Variants in GLIS3 observed in about 807,000 individuals in gnomAD.
GLIS3 encodes the protein GLIS family zinc finger 3.
Under a neutral mutation model 78.6 loss-of-function variants are expected in GLIS3, and 53 were observed. The ratio of observed to expected loss-of-function variants is 0.67; its 90% confidence interval spans 0.54 to 0.85. GLIS3 has a LOEUF of 0.85. Ranked by LOEUF, GLIS3 falls within the 40% of genes least tolerant of loss-of-function variation. The pLI is 0.00. For missense variants in GLIS3, 1,703 were observed against 1,231.1 expected, an observed-to-expected ratio of 1.38 and a Z score of -5.74; for synonymous variants, 684 against 509.9, an observed-to-expected ratio of 1.34 and a Z score of -4.60.
At chr9:3,973,014 A>G (rs1031471181) in intron 4 of GLIS3, among the ~76,000 whole-genome samples, 1 of 152,150 alleles carries the variant, frequency 6.6e-6, no homozygotes, top group African/African-American at 2.4e-5. Flanking sequence ...GGGTTCCTCA[A>G]AACACCTTCA....
intron 4 of GLIS3, among the ~76,000 whole-genome samples, chr9:4,026,338 T>C (rs567031292): frequency 6.6e-6 from 1 of 152,368 alleles, no homozygotes; most frequent in South Asian, 2.1e-4. Flanking sequence ...ACACAAATTA[T>C]TTTTATCATT....
At chr9:3,918,603 T>G (rs111298328) in intron 6 of GLIS3, among the ~76,000 whole-genome samples, 8,889 of 152,246 alleles carry the variant, frequency 0.058, 369 homozygotes, top group Non-Finnish European at 0.088. Flanking sequence ...CCTTTGAGAC[T>G]CTGACCCAGG....
intron 6 of GLIS3, among the ~76,000 whole-genome samples, chr9:3,916,247 G>A (rs765803710): frequency 4.6e-5 from 7 of 152,156 alleles, no homozygotes; most frequent in Non-Finnish European, 1.5e-5. Flanking sequence ...AAATACGGGC[G>A]ACTTAATTTT....
chr9:3,879,026 G>A (rs1427936841), intron 8 of GLIS3, among the ~76,000 whole-genome samples: 3 of 152,128 alleles, frequency 2.0e-5, no homozygotes, highest in African/African-American at 7.2e-5. Flanking sequence ...TCAATGAGCA[G>A]CCTACATAAA....
intron 8 of GLIS3, among the ~76,000 whole-genome samples, chr9:3,876,846 A>G (rs557777211): frequency 5.9e-5 from 9 of 151,628 alleles, no homozygotes; most frequent in Admixed American, 5.9e-4. Context: ...ATGTTAAAAA[A>G]AGACAAACAC....
At chr9:4,382,156 C>T in the GLIS3 span, among the ~76,000 whole-genome samples, 8 of 152,328 alleles carry the variant, frequency 5.3e-5, no homozygotes, top group East Asian at 5.8e-4. Context: ...TAGTAAATCC[C>T]TTTTATTTGA....
the GLIS3 span, among the ~76,000 whole-genome samples, chr9:4,400,350 G>A: frequency 6.6e-6 from 1 of 152,086 alleles, no homozygotes; most frequent in Non-Finnish European, 1.5e-5. Flanking sequence ...GAAGCAAAGG[G>A]TAGAGCTCTT....
At chr9:4,266,520 T>C (rs1442304449) in intron 2 of GLIS3, among the ~76,000 whole-genome samples, 2 of 152,002 alleles carry the variant, frequency 1.3e-5, no homozygotes, top group Admixed American at 6.6e-5. Context: ...CCTATTAAGG[T>C]ACCACTGGTT....
At chr9:3,831,168 G>A (rs191129815) in intron 9 of GLIS3, among the ~76,000 whole-genome samples, 56 of 147,736 alleles carry the variant, frequency 3.8e-4, no homozygotes, top group Non-Finnish European at 7.3e-4. Context: ...ATACGGTTTG[G>A]AAGAAGATTA....
At chr9:4,291,160 A>G (rs138828265) in intron 1 of GLIS3, among the ~76,000 whole-genome samples, 1 of 152,282 alleles carries the variant, frequency 6.6e-6, no homozygotes, top group Non-Finnish European at 1.5e-5. Flanking sequence ...GGTAATTCTA[A>G]GAATATGAAT....
At chr9:4,257,198 G>C (rs576586827) in intron 2 of GLIS3, among the ~76,000 whole-genome samples, 2 of 152,132 alleles carry the variant, frequency 1.3e-5, no homozygotes, top group Admixed American at 6.5e-5. Flanking sequence ...TGACAATATG[G>C]ATGAACCTAG....
chr9:4,116,660 T>G (rs1831663007), intron 4 of GLIS3, among the ~76,000 whole-genome samples: 1 of 152,200 alleles, frequency 6.6e-6, no homozygotes, highest in Non-Finnish European at 1.5e-5. Flanking sequence ...TCCAGATTCT[T>G]TTTCATCACT....
intron 2 of GLIS3, among the ~76,000 whole-genome samples, chr9:4,242,420 T>C (rs891516980): frequency 6.6e-5 from 10 of 152,150 alleles, no homozygotes; most frequent in African/African-American, 2.4e-4. Context: ...CAGGGCTCTA[T>C]AGGAATCCAG....
intron 9 of GLIS3, among the ~76,000 whole-genome samples, chr9:3,839,594 A>G (rs187883708): frequency 0.013 from 1,894 of 151,228 alleles, 38 homozygotes; most frequent in African/African-American, 0.042. Context: ...AAAAAAAAAA[A>G]GGGGGGAGAA....
intron 4 of GLIS3, among the ~76,000 whole-genome samples, chr9:4,093,909 C>T (rs1460992145): frequency 1.3e-5 from 2 of 152,226 alleles, no homozygotes; most frequent in Non-Finnish European, 2.9e-5. Context: ...TATAATACCT[C>T]ATCTCAGAAA....
rs148075312 is a variant in GLIS3, at chr9:3,935,658, G to A, written c.1872+1370C>T. ...ATAAAGGTTAATGACGAATTGGAAA[G>A]TTTATTGGATCTCACCAAGACCATT... On this transcript the variant is annotated intron_variant, in intron 5 of 10. Coordinates refer to ENST00000381971, the MANE Select transcript of GLIS3 (RefSeq NM_001042413.2). Among the ~76,000 whole-genome samples, 113 of 152,246 alleles carry A rather than the reference G, an allele frequency of 7.4e-4. 2 individuals carry two copies. Among genetic ancestry groups the A allele is most frequent in the African/African-American group, 2.6e-3 (110 of 41,568 alleles).
chr9:4,253,080 G>A lies in GLIS3; in HGVS notation c.388+32958C>T, dbSNP rs367775296. Among the ~76,000 whole-genome samples, 6 of 152,370 alleles carry A rather than the reference G, an allele frequency of 3.9e-5. No individual in the cohort carries two copies. The South Asian group carries it at 6.2e-4, about 16-fold the overall frequency. ...GATGGGAGGTGTCTCACGATTAGGA[G>A]GCACAGGGGTCAGGGACCCACTGGA... On this transcript the variant is annotated intron_variant, in intron 2 of 10. Coordinates refer to ENST00000381971, the MANE Select transcript of GLIS3 (RefSeq NM_001042413.2).
At chr9:4,239,173 G>C (rs1197020326) in intron 2 of GLIS3, among the ~76,000 whole-genome samples, 2 of 102,614 alleles carry the variant, frequency 1.9e-5, no homozygotes, top group African/African-American at 3.8e-5. Context: ...GTTGTGGGGT[G>C]GGGGGAGGGG....
At chr9:4,099,084 T>G (rs1830170949) in intron 4 of GLIS3, among the ~76,000 whole-genome samples, 1 of 152,172 alleles carries the variant, frequency 6.6e-6, no homozygotes, top group South Asian at 2.1e-4. Context: ...GCAGTCATGA[T>G]GGCAAGAAGG....
Sources: allele counts gnomAD v4.1 joint callset (sites outside exome capture counted in the v4.1 genomes callset), GRCh38; gene constraint gnomAD v4.1.1; transcripts MANE v1.5; gene names NCBI Gene and HGNC (gene_info 2026-07-23, HGNC 2026-07-21).